PCBP3: variants seen among roughly 807,000 people sequenced by gnomAD.
PCBP3 encodes the protein poly(rC)-binding protein 3.
Under a neutral mutation model 52.7 loss-of-function variants are expected in PCBP3, and 25 were observed. The ratio of observed to expected loss-of-function variants is 0.47; its 90% CI spans 0.35 to 0.66. The LOEUF is 0.66. PCBP3 is among the 30% of genes least tolerant of loss of function. The probability of loss-of-function intolerance (pLI) is 0.01; values close to 1 mark genes in which losing one functional copy is unlikely to be tolerated. For missense variants in PCBP3, 391 were observed against 490.3 expected, an observed-to-expected ratio of 0.80 and a Z score of 1.91; for synonymous variants, 162 against 183.0, an observed-to-expected ratio of 0.89 and a Z score of 0.93.
At chr21:45,770,345 C>T (rs1047044775) in intron 4 of PCBP3, among the ~76,000 whole-genome samples, 1 of 152,106 alleles carries the variant, frequency 6.6e-6, no homozygotes, top group African/African-American at 2.4e-5. Context: ...TATCGTTTTA[C>T]AATTTTTAAT....
intron 4 of PCBP3, among the ~76,000 whole-genome samples, chr21:45,756,878 A>G (rs1894502176): frequency 1.3e-5 from 2 of 152,168 alleles, no homozygotes; most frequent in African/African-American, 4.8e-5. Context: ...GTATGGATGG[A>G]CCACATTTTG....
At chr21:45,709,525 C>A (rs1033646117) in intron 2 of PCBP3, among the ~76,000 whole-genome samples, 1 of 152,110 alleles carries the variant, frequency 6.6e-6, no homozygotes, top group Non-Finnish European at 1.5e-5. Flanking sequence ...CTGCTGTTTT[C>A]CCAACATGTT....
At chr21:45,785,114 C>T (rs1373286204) in intron 4 of PCBP3, among the ~76,000 whole-genome samples, 3 of 151,898 alleles carry the variant, frequency 2.0e-5, no homozygotes, top group South Asian at 2.1e-4. Context: ...CCGGCCGCCC[C>T]GTCTGAAAAG....
chr21:45,671,447 A>T (rs2838973), intron 2 of PCBP3, among the ~76,000 whole-genome samples: 1 of 152,090 alleles, frequency 6.6e-6, no homozygotes, highest in Non-Finnish European at 1.5e-5. Context: ...AGCCAATTGC[A>T]ATTTTTAAAA....
intron 4 of PCBP3, among the ~76,000 whole-genome samples, chr21:45,834,980 G>A (rs1212497918): frequency 2.0e-5 from 3 of 152,236 alleles, no homozygotes; most frequent in African/African-American, 4.8e-5. Context: ...ACCCGTGCTC[G>A]GGGTGGGCAG....
At chr21:45,794,786 G>A (rs971778179) in intron 4 of PCBP3, among the ~76,000 whole-genome samples, 12 of 152,108 alleles carry the variant, frequency 7.9e-5, no homozygotes, top group East Asian at 1.9e-4. Flanking sequence ...AGAATGAGCC[G>A]GGCGTGGTGG....
chr21:45,853,979 A>T lies in PCBP3; in HGVS notation c.10+3884A>T, dbSNP rs190206724. 1.3e-5 allele frequency: 2 copies of T among 152,036 alleles called. No homozygotes were observed. Among genetic ancestry groups the T allele is most frequent in the East Asian group, 3.9e-4 (2 of 5,150 alleles). 9.4% of individuals were successfully genotyped at this position (152,036 alleles called of 1,614,324 possible). A position where few individuals can be genotyped will look rare whatever the true frequency, so the allele number is the denominator to read the frequency against. ...ATCCGCATCTCAGCCTCTGTGCACG[A>T]GGCTAGGAAGAGAAGAGATTTCCAA... is the stretch of plus-strand genomic sequence containing the variant. On this transcript the variant is annotated intron_variant, in intron 5 of 17. Coordinates refer to ENST00000681687, the MANE Select transcript of PCBP3 (RefSeq NM_001384156.1). This position sits in a 1 kb window ranked among gnomAD's most constrained non-coding sequence, Gnocchi z 4.6.
Position 45,887,466 on chromosome 21 carries a change from A to G in PCBP3, c.11-8742A>G, listed in dbSNP as rs534729607. 2.1e-3 allele frequency among the ~76,000 whole-genome samples: 326 copies of G among 152,268 alleles called. 3 individuals are homozygous for G. The highest frequency in any genetic ancestry group is 3.2e-3 in the Non-Finnish European group (216 of 68,004). ...GTCCTTCCATCTGTAAGACAGGGTG[A>G]TGGTGGCTCCACACCTCATTCAGTT... On this transcript the variant is annotated intron_variant, in intron 5 of 17. Coordinates refer to ENST00000681687, the MANE Select transcript of PCBP3 (RefSeq NM_001384156.1).
chr21:45,751,374 T>C lies in PCBP3; in HGVS notation c.-161-4043T>C, dbSNP rs777274014. The C allele has an allele frequency of 2.6e-5, 4 of 152,264 alleles. No homozygotes were observed. The East Asian group carries it at 7.7e-4, about 29-fold the overall frequency. The allele number at this position is 152,264 out of a possible 1,614,324, so 9.4% of individuals were successfully genotyped here. On this transcript the variant is annotated intron_variant, in intron 3 of 17. Transcript: ENST00000681687. ...TTACATTTGCTATTTAAGCTGTTTT[T>C]AAGCGTATAATTCAGTGGCATTTAT...
intron 4 of PCBP3, among the ~76,000 whole-genome samples, chr21:45,784,978 G>A (rs2146195950): frequency 1.3e-5 from 2 of 151,574 alleles, no homozygotes; most frequent in South Asian, 4.2e-4. Context: ...AAAGTGAGGA[G>A]CGTCTCTGCC....
intron 12 of PCBP3, chr21:45,914,391 C>G: frequency 2.2e-6 from 1 of 463,546 alleles, no homozygotes; most frequent in Non-Finnish European, 3.8e-6. Context: ...TGGTGAGAAC[C>G]AGGGTCTTGT....
chr21:45,721,094 G>C (rs2084601723), intron 2 of PCBP3, among the ~76,000 whole-genome samples: 3 of 152,132 alleles, frequency 2.0e-5, no homozygotes, highest in Non-Finnish European at 4.4e-5. Flanking sequence ...CAGCTACTTG[G>C]CCAAAAATTT....
intron 13 of PCBP3, among the ~76,000 whole-genome samples, chr21:45,924,933 G>A (rs563188547): frequency 1.8e-5 from 1 of 54,842 alleles, no homozygotes; most frequent in Admixed American, 1.5e-4. Context: ...ACGTAAGGTC[G>A]GGTGTGCGTG....
At chr21:45,898,534 TCTACACA>T in intron 6 of PCBP3, among the ~76,000 whole-genome samples, 7 of 97,490 alleles carry the variant, frequency 7.2e-5, no homozygotes, top group African/African-American at 9.2e-5. Flanking sequence ...CACGGACCCC[TCTACACA>T]CTGTCCTCCC....
intron 1 of PCBP3, among the ~76,000 whole-genome samples, chr21:45,650,111 GAGCGC>G (rs1298622408): frequency 6.6e-6 from 1 of 151,714 alleles, no homozygotes; most frequent in East Asian, 1.9e-4. Context: ...AGGATCATTT[GAGCGC>G]AGGAGTTCAA....
intron 2 of PCBP3, among the ~76,000 whole-genome samples, chr21:45,728,215 G>A (rs998528612): frequency 6.6e-6 from 1 of 152,190 alleles, no homozygotes; most frequent in Non-Finnish European, 1.5e-5. Flanking sequence ...TATACTGCTA[G>A]CTGTATGTTT....
chr21:45,774,328 A>G (rs536428321), intron 4 of PCBP3, among the ~76,000 whole-genome samples: 2 of 150,444 alleles, frequency 1.3e-5, no homozygotes, highest in South Asian at 4.2e-4. Context: ...AGTCCCTTGA[A>G]CCTGTGAACC....
At chr21:45,879,095 C>T (rs945667125) in intron 5 of PCBP3, among the ~76,000 whole-genome samples, 6 of 152,174 alleles carry the variant, frequency 3.9e-5, no homozygotes, top group South Asian at 2.1e-4. Flanking sequence ...AAGCGATCCT[C>T]CCATCTCAGC....
At chr21:45,834,419 ATG>A (rs2093531408) in intron 4 of PCBP3, among the ~76,000 whole-genome samples, 1 of 152,232 alleles carries the variant, frequency 6.6e-6, no homozygotes, top group Non-Finnish European at 1.5e-5. Context: ...AAGGCACAGC[ATG>A]TGCTGTGACT....
Sources: gnomAD v4.1 joint callset for allele counts (sites outside exome capture counted in the v4.1 genomes callset) on GRCh38, gnomAD v4.1.1 for gene constraint, Gnocchi (gnomAD v3.1) non-coding constraint, MANE v1.5 for transcripts, NCBI Gene and HGNC (gene_info 2026-07-23, HGNC 2026-07-21) for gene names.